The following TUB variants were observed in gnomAD, a reference collection of about 807,000 sequenced individuals.
TUB encodes the protein tubby protein homolog.
A neutral mutation model predicts 59.7 loss-of-function variants in TUB; 33 were observed. The ratio of observed to expected loss-of-function variants is 0.55; its 90% confidence interval spans 0.42 to 0.74. TUB has a LOEUF of 0.74. Ranked by LOEUF, TUB falls within the 30% of genes least tolerant of loss-of-function variation. The pLI is 0.00. For synonymous variants in TUB, 293 were observed against 256.4 expected, an observed-to-expected ratio of 1.14 and a Z score of -1.36; for missense variants, 659 against 672.0, an observed-to-expected ratio of 0.98 and a Z score of 0.21.
chr11:8,052,840 G>T (rs1276522461), intron 2 of TUB, among the ~76,000 whole-genome samples: 2 of 152,084 alleles, frequency 1.3e-5, no homozygotes, highest in Non-Finnish European at 2.9e-5. Flanking sequence ...TTATTTACAG[G>T]TAGTTATTCT....
intron 2 of TUB, among the ~76,000 whole-genome samples, chr11:8,042,602 C>A (rs1241304682): frequency 1.6e-4 from 25 of 152,134 alleles, no homozygotes; most frequent in Non-Finnish European, 4.4e-5. Flanking sequence ...CATATTCTTG[C>A]CAATACATGT....
chr11:8,050,736 C>G (rs759274679), intron 2 of TUB, among the ~76,000 whole-genome samples: 10 of 152,208 alleles, frequency 6.6e-5, no homozygotes, highest in Non-Finnish European at 1.3e-4. Context: ...TCAGCGAAGT[C>G]TGTCATCTTA....
intron 2 of TUB, among the ~76,000 whole-genome samples, chr11:8,042,951 T>G (rs1942776275): frequency 1.3e-5 from 2 of 152,234 alleles, no homozygotes; most frequent in Non-Finnish European, 2.9e-5. Context: ...TTATGAAGTC[T>G]AATTTATCTA....
At chr11:8,080,854 G>T (rs1943538255), upstream of TUB, among the ~76,000 whole-genome samples, 1 of 152,140 alleles carries the variant, frequency 6.6e-6, no homozygotes, top group Admixed American at 6.5e-5. Context: ...TGCACGACTG[G>T]ATTCCTTCTC....
intron 1 of TUB, among the ~76,000 whole-genome samples, chr11:8,022,298 A>G (rs1448453131): frequency 5.3e-5 from 8 of 152,326 alleles, no homozygotes; most frequent in Non-Finnish European, 2.9e-5. Context: ...CAAGCAACAC[A>G]TACATTGGGT....
intron 1 of TUB, among the ~76,000 whole-genome samples, chr11:8,021,800 C>A (rs192339296): frequency 1.1e-3 from 160 of 151,730 alleles, no homozygotes; most frequent in African/African-American, 3.7e-3. Flanking sequence ...CCTGTAGTCC[C>A]AGCTACTCAG....
chr11:8,099,355 A>C (rs7481121), intron 9 of TUB, among the ~76,000 whole-genome samples: 1 of 152,034 alleles, frequency 6.6e-6, no homozygotes, highest in East Asian at 1.9e-4. Context: ...ATATAAATAT[A>C]GGGGATTACT....
intron 1 of TUB, among the ~76,000 whole-genome samples, chr11:8,084,452 C>G (rs1193524926): frequency 6.6e-6 from 1 of 152,128 alleles, no homozygotes; most frequent in Non-Finnish European, 1.5e-5. Context: ...TATTAAATGC[C>G]CTTAGTACAT....
At chr11:8,088,589 G>A (rs566578559) in intron 1 of TUB, among the ~76,000 whole-genome samples, 45 of 152,250 alleles carry the variant, frequency 3.0e-4, no homozygotes, top group Non-Finnish European at 5.7e-4. Context: ...GACACAGTCT[G>A]GTTCAGGGGC....
At chr11:8,029,147 T>G (rs1462432154) in intron 1 of TUB, among the ~76,000 whole-genome samples, 2 of 152,228 alleles carry the variant, frequency 1.3e-5, no homozygotes, top group Non-Finnish European at 2.9e-5. Context: ...ACTGGTCTCT[T>G]CTGCAACATA....
rs1251832278 is a variant in TUB at position 8,105,869 on chromosome 11, C to CTT, written c.*4251_*4252dup. 2 of 152,134 alleles carry CTT rather than the reference C, an allele frequency of 1.3e-5. No homozygotes were observed. Among genetic ancestry groups the CTT allele is most frequent in the Admixed American group, 1.3e-4 (2 of 15,274 alleles). The allele number at this position is 152,134 out of a possible 1,614,324, so 9.4% of individuals were successfully genotyped here. On this transcript the variant is annotated 3_prime_UTR_variant, in exon 12 of 12. Coordinates refer to ENST00000299506, the MANE Select transcript of TUB (RefSeq NM_177972.3). ...AGATCCAGAGTTTCCTAGAACGCAACTTAGGATGGCTAGGAAAGGGAAGCC... is the reference window on the plus strand; with the variant it reads ...AGATCCAGAGTTTCCTAGAACGCAACTTTTAGGATGGCTAGGAAAGGGAAGCC...
chr11:8,098,919 G>T (rs750674369), intron 9 of TUB, 44 bp downstream of exon 9: 2 of 1,421,956 alleles, frequency 1.4e-6, no homozygotes, highest in African/African-American at 2.8e-5. Context: ...AGGTAGATAT[G>T]AAATCCAGGA....
At chr11:8,027,678 C>T (rs1942518232) in intron 1 of TUB, among the ~76,000 whole-genome samples, 2 of 152,106 alleles carry the variant, frequency 1.3e-5, no homozygotes, top group South Asian at 4.1e-4. Flanking sequence ...CAACGCCTGG[C>T]TATTTTTTGT....
At chr11:8,032,536 ACTACAACCTCAGAT>A (rs1363088812) in intron 1 of TUB, among the ~76,000 whole-genome samples, 1 of 152,316 alleles carries the variant, frequency 6.6e-6, no homozygotes, top group East Asian at 1.9e-4. Context: ...CTGCTTTCAC[ACTACAACCTCAGAT>A]CTGGCCCTTC....
intron 2 of TUB, among the ~76,000 whole-genome samples, chr11:8,048,905 ACT>A (rs1942882092): frequency 2.0e-5 from 3 of 152,134 alleles, no homozygotes; most frequent in Admixed American, 2.0e-4. Flanking sequence ...TGCATGCCAG[ACT>A]CTGTATTGTT....
chr11:8,072,590 ATGT>A (rs1017975747), intron 2 of TUB, among the ~76,000 whole-genome samples: 2 of 152,142 alleles, frequency 1.3e-5, no homozygotes, highest in African/African-American at 4.8e-5. Context: ...TAAGTACTAA[ATGT>A]TGTCCCATCT....
intron 4 of TUB, among the ~76,000 whole-genome samples, chr11:8,095,013 T>A (rs1943923054): frequency 6.6e-6 from 1 of 152,230 alleles, no homozygotes; most frequent in Non-Finnish European, 1.5e-5. Context: ...GGCGAGTGTA[T>A]GCCAATTGCA....
rs745483425 is a variant in TUB at position 8,100,525 on chromosome 11, A to G, written c.1139A>G (p.Lys380Arg). ...VCYETNVLGF[K>R]GPRKMSVIVP... The stretch of plus-strand genomic sequence containing the variant: ...CAGGAGACAAACGTCTTAGGCTTCA[A>G]GGGGCCTCGGAAGATGAGCGTGATT... The change falls in exon 10 of 12, where the codon AAG becomes AGG. Residue 380 changes from lysine to arginine, a missense_variant. This residue lies in a region of TUB where 226 missense variants were observed against 210.8 expected (regional missense o/e 1.07). Coordinates refer to ENST00000299506, the MANE Select transcript of TUB (RefSeq NM_177972.3). The G allele has an allele frequency of 6.2e-7, 1 of 1,614,098 alleles. No homozygotes were observed. Among genetic ancestry groups the G allele is most frequent in the Non-Finnish European group, 8.5e-7 (1 of 1,179,994 alleles).
chr11:8,036,817 C>T (rs892581008), upstream of TUB, among the ~76,000 whole-genome samples: 9 of 152,212 alleles, frequency 5.9e-5, no homozygotes, highest in African/African-American at 2.2e-4. Context: ...GTCTCAGTAG[C>T]ACGGGCCCCA....
Sources: gnomAD v4.1 joint callset for allele counts (sites outside exome capture counted in the v4.1 genomes callset) on GRCh38, gnomAD v4.1.1 for gene constraint, gnomAD v4.1.1 regional missense constraint, MANE v1.5 for transcripts, NCBI Gene and HGNC (gene_info 2026-07-23, HGNC 2026-07-21) for gene names.